FAM53A: variants seen among roughly 807,000 people sequenced by gnomAD.
FAM53A encodes the protein protein FAM53A.
FAM53A carries 28 observed loss-of-function variants against 26.6 expected under a neutral mutation model. The ratio of observed to expected loss-of-function variants is 1.05; its 90% CI spans 0.78 to 1.45. The LOEUF is 1.45. FAM53A is among the 40% of genes most tolerant of loss of function. The probability of loss-of-function intolerance (pLI) is 0.00; values close to 1 mark genes in which losing one functional copy is unlikely to be tolerated. For synonymous variants in FAM53A, 290 were observed against 253.1 expected (o/e 1.15, Z -1.38); for missense variants, 650 against 575.8 (o/e 1.13, Z -1.32).
the FAM53A span, among the ~76,000 whole-genome samples, chr4:1,600,776 C>T: frequency 1.3e-5 from 2 of 152,236 alleles, no homozygotes; most frequent in Non-Finnish European, 2.9e-5. Flanking sequence ...CCTGCCTCAG[C>T]CTCCCCGGCT....
At chr4:1,662,052 G>A (rs1415913127) in intron 2 of FAM53A, among the ~76,000 whole-genome samples, 2 of 152,138 alleles carry the variant, frequency 1.3e-5, no homozygotes, top group African/African-American at 4.8e-5. Context: ...TTACTGGCCA[G>A]GTGTCATGGC....
chr4:1,584,125 G>A, the FAM53A span, among the ~76,000 whole-genome samples: 1 of 152,054 alleles, frequency 6.6e-6, no homozygotes, highest in African/African-American at 2.4e-5. Flanking sequence ...TTCCTCTGTC[G>A]TCCATTCATT....
At chr4:1,594,942 A>T in the FAM53A span, among the ~76,000 whole-genome samples, 15 of 152,226 alleles carry the variant, frequency 9.9e-5, no homozygotes, top group African/African-American at 3.4e-4. Flanking sequence ...TGGAGGGGGA[A>T]GTCTGTTCCT....
chr4:1,621,863 C>A (rs1025187410), intron 1 of FAM53A, among the ~76,000 whole-genome samples: 1 of 152,174 alleles, frequency 6.6e-6, no homozygotes, highest in Non-Finnish European at 1.5e-5. Context: ...GTGAATGCGT[C>A]CCCCAAGGCT....
At chr4:1,601,228 C>CAGGGGG in the FAM53A span, among the ~76,000 whole-genome samples, 1 of 115,932 alleles carries the variant, frequency 8.6e-6, no homozygotes, top group Non-Finnish European at 2.1e-5. Context: ...GGAGCCGCAA[C>CAGGGGG]AGGTCGGACA....
At chr4:1,668,294 C>T (rs1714385503) in intron 2 of FAM53A, among the ~76,000 whole-genome samples, 1 of 152,196 alleles carries the variant, frequency 6.6e-6, no homozygotes, top group South Asian at 2.1e-4. Flanking sequence ...CGCCTGCTAC[C>T]GTGCCCGGCT....
the FAM53A span, among the ~76,000 whole-genome samples, chr4:1,603,248 C>T: frequency 6.6e-6 from 1 of 152,120 alleles, no homozygotes; most frequent in Non-Finnish European, 1.5e-5. Context: ...AATGGGTAAA[C>T]GCTGGTGGGC....
At chr4:1,643,493 G>C (rs944499185) in intron 4 of FAM53A, among the ~76,000 whole-genome samples, 1 of 151,276 alleles carries the variant, frequency 6.6e-6, no homozygotes, top group African/African-American at 2.4e-5. Context: ...GACAAAAGAC[G>C]AATTGACATA....
chr4:1,631,870 A>G (rs1478083685), intron 1 of FAM53A, among the ~76,000 whole-genome samples: 1 of 152,208 alleles, frequency 6.6e-6, no homozygotes, highest in Non-Finnish European at 1.5e-5. Flanking sequence ...TTTAAAAATT[A>G]TCCAAGCCAC....
At chr4:1,600,350 G>A in the FAM53A span, among the ~76,000 whole-genome samples, 4 of 152,198 alleles carry the variant, frequency 2.6e-5, no homozygotes, top group East Asian at 5.8e-4. Context: ...AGGTGGACAC[G>A]GCAGTTCCCC....
chr4:1,616,194 C>A (rs1439707801), downstream of FAM53A, among the ~76,000 whole-genome samples: 1 of 152,214 alleles, frequency 6.6e-6, no homozygotes, highest in Admixed American at 6.5e-5. Context: ...AAATCAAACA[C>A]AAAATAAAAC....
At chr4:1,644,289 G>A in intron 4 of FAM53A, 1 of 1,536,012 alleles carries the variant, frequency 6.5e-7, no homozygotes, top group South Asian at 1.2e-5. Flanking sequence ...GATGCTGTAA[G>A]CTCACGCCGA....
chr4:1,685,254 C>T (rs1032062420), upstream of FAM53A, among the ~76,000 whole-genome samples: 12 of 152,160 alleles, frequency 7.9e-5, no homozygotes, highest in Non-Finnish European at 1.8e-4. Flanking sequence ...CAATGCTCCC[C>T]ACCCCTGGCG....
At chr4:1,617,650 A>G (rs1158649186), downstream of FAM53A, among the ~76,000 whole-genome samples, 1 of 151,872 alleles carries the variant, frequency 6.6e-6, no homozygotes, top group Non-Finnish European at 1.5e-5. Flanking sequence ...TTCTTCTTTC[A>G]CTGTTTCCAT....
intron 4 of FAM53A, chr4:1,644,671 A>G: frequency 3.7e-6 from 1 of 268,592 alleles, no homozygotes; most frequent in Admixed American, 4.8e-5. Flanking sequence ...CAGTTGTCCA[A>G]AACACAAAGG....
At chr4:1,650,363 T>C (rs1303402856) in intron 4 of FAM53A, among the ~76,000 whole-genome samples, 2 of 119,164 alleles carry the variant, frequency 1.7e-5, no homozygotes, top group East Asian at 2.3e-4. Flanking sequence ...TGTTTGACTG[T>C]GAGGTGGCAC....
chr4:1,624,055 T>C (rs545120582), intron 1 of FAM53A, among the ~76,000 whole-genome samples: 1 of 152,274 alleles, frequency 6.6e-6, no homozygotes, highest in East Asian at 1.9e-4. Flanking sequence ...AGGCTGTGGG[T>C]GGCCTGTCCT....
At chr4:1,595,246 C>T in the FAM53A span, among the ~76,000 whole-genome samples, 2 of 152,222 alleles carry the variant, frequency 1.3e-5, no homozygotes, top group African/African-American at 4.8e-5. Context: ...GCCCCAGCAG[C>T]AGGGGTGCAA....
At chr4:1,609,525 C>T in the FAM53A span, among the ~76,000 whole-genome samples, 2,010 of 152,238 alleles carry the variant, frequency 0.013, 69 homozygotes, top group African/African-American at 0.045. Flanking sequence ...ACAAGTGAGT[C>T]TCACGAGATC....
Sources: allele counts gnomAD v4.1 joint callset (sites outside exome capture counted in the v4.1 genomes callset), GRCh38; gene constraint gnomAD v4.1.1; transcripts MANE v1.5; gene names NCBI Gene and HGNC (gene_info 2026-07-23, HGNC 2026-07-21).